FLT1: variants seen among roughly 807,000 people sequenced by gnomAD.
FLT1 encodes fms related receptor tyrosine kinase 1.
A neutral mutation model predicts 156.3 loss-of-function variants in FLT1; 49 were observed. That is an observed-to-expected ratio of 0.31 (90% CI 0.25 to 0.40). The LOEUF is 0.40. Among genes scored for constraint, FLT1 ranks in the 10% least tolerant of loss-of-function variants. The pLI is 1.00. For missense variants in FLT1, 1,322 were observed against 1,637.2 expected, an observed-to-expected ratio of 0.81 and a Z score of 3.32; for synonymous variants, 594 against 583.8, an observed-to-expected ratio of 1.02 and a Z score of -0.25.
chr13:28,410,007 G>C (rs1325665027), intron 10 of FLT1, among the ~76,000 whole-genome samples: 4 of 152,086 alleles, frequency 2.6e-5, no homozygotes, highest in Non-Finnish European at 4.4e-5. Context: ...GTTTCTATGA[G>C]AGCTCACTTT....
At chr13:28,480,479 G>T (rs1880772109) in intron 1 of FLT1, among the ~76,000 whole-genome samples, 1 of 152,166 alleles carries the variant, frequency 6.6e-6, no homozygotes. Context: ...GAAGTGCCAG[G>T]TGTGGAGGTA....
intron 14 of FLT1, among the ~76,000 whole-genome samples, chr13:28,365,369 T>C (rs183884831): frequency 5.5e-4 from 83 of 152,256 alleles, no homozygotes; most frequent in African/African-American, 1.9e-3. Flanking sequence ...CTTTTTTTTT[T>C]TGAGGCGGAG....
At chr13:28,435,827 G>A (rs1378591265) in intron 4 of FLT1, among the ~76,000 whole-genome samples, 1 of 152,166 alleles carries the variant, frequency 6.6e-6, no homozygotes, top group African/African-American at 2.4e-5. Flanking sequence ...TCGCTTTCAT[G>A]TTTCAGTAAA....
At chr13:28,350,804 C>T (rs1872715353) in intron 15 of FLT1, among the ~76,000 whole-genome samples, 1 of 152,092 alleles carries the variant, frequency 6.6e-6, no homozygotes, top group African/African-American at 2.4e-5. Context: ...GATAACAGCC[C>T]CTTCCTCACA....
chr13:28,313,790 T>C (rs1471364643), intron 25 of FLT1, among the ~76,000 whole-genome samples: 1 of 152,086 alleles, frequency 6.6e-6, no homozygotes, highest in East Asian at 1.9e-4. Flanking sequence ...GGTATGCCTT[T>C]AGGGGGCGCC....
At chr13:28,430,392 A>G (rs1292478676) in intron 7 of FLT1, among the ~76,000 whole-genome samples, 1 of 152,190 alleles carries the variant, frequency 6.6e-6, no homozygotes, top group Non-Finnish European at 1.5e-5. Flanking sequence ...AGCCACATAA[A>G]ACAGTGGCAG....
At chr13:28,337,496 G>A (rs879817877) in intron 17 of FLT1, among the ~76,000 whole-genome samples, 3 of 152,168 alleles carry the variant, frequency 2.0e-5, no homozygotes, top group Non-Finnish European at 4.4e-5. Context: ...TTGCTCCCAC[G>A]TTAATCAATC....
Position 28,439,241 on chromosome 13 carries a change from C to G in FLT1, c.389-896G>C, listed in dbSNP as rs112063040. On this transcript the variant is annotated intron_variant, in intron 3 of 29. Transcript: ENST00000282397. This position sits in a 1 kb window ranked among gnomAD's most constrained non-coding sequence, Gnocchi z 4.1. ...GGAATCTATTGACATCCTCAGGCAA[C>G]GATCTCTTCGGGAGTCATTGTGTTC... is the stretch of plus-strand genomic sequence containing the variant. 7.0e-3 allele frequency among the ~76,000 whole-genome samples: 1,063 copies of G among 152,280 alleles called. 15 individuals carry two copies. Among genetic ancestry groups the G allele is most frequent in the African/African-American group, 0.024 (988 of 41,550 alleles).
At chr13:28,361,227 CA>C (rs1873102387) in intron 14 of FLT1, among the ~76,000 whole-genome samples, 1 of 151,738 alleles carries the variant, frequency 6.6e-6, no homozygotes, top group African/African-American at 2.4e-5. Flanking sequence ...TGGAGTGAGC[CA>C]AGATGGTGCC....
At chr13:28,380,816 G>A (rs1483463791) in intron 14 of FLT1, among the ~76,000 whole-genome samples, 1 of 152,078 alleles carries the variant, frequency 6.6e-6, no homozygotes, top group Non-Finnish European at 1.5e-5. Context: ...AATGAGGTGG[G>A]TCAGAAGGCA....
intron 10 of FLT1, among the ~76,000 whole-genome samples, chr13:28,426,547 G>A (rs915653828): frequency 6.6e-6 from 1 of 152,176 alleles, no homozygotes; most frequent in Non-Finnish European, 1.5e-5. Context: ...TAACAAGGGC[G>A]TGAACAAAGT....
At chr13:28,383,219 A>T (rs1415061783) in intron 14 of FLT1, among the ~76,000 whole-genome samples, 1 of 152,198 alleles carries the variant, frequency 6.6e-6, no homozygotes, top group Non-Finnish European at 1.5e-5. Context: ...CTCAAAAAAA[A>T]AAAGTACAGT....
intron 18 of FLT1, among the ~76,000 whole-genome samples, chr13:28,331,646 G>A (rs1282662239): frequency 4.6e-5 from 7 of 152,136 alleles, no homozygotes; most frequent in African/African-American, 7.2e-5. Flanking sequence ...TGGCCAGGCC[G>A]GTCTCGAACG....
At chr13:28,494,703 C>T (rs578205386) in intron 1 of FLT1, 77 bp downstream of exon 1, 6 of 1,186,820 alleles carry the variant, frequency 5.1e-6, no homozygotes, top group Non-Finnish European at 7.2e-6. Flanking sequence ...GTGCACCCCG[C>T]CCTGGCCTCG....
At chr13:28,314,183 T>G (rs1365133310) in intron 25 of FLT1, among the ~76,000 whole-genome samples, 1 of 152,178 alleles carries the variant, frequency 6.6e-6, no homozygotes, top group African/African-American at 2.4e-5. Context: ...GCTCGTCTCC[T>G]CCTGCACCAT....
intron 4 of FLT1, among the ~76,000 whole-genome samples, chr13:28,437,385 G>A (rs1029843404): frequency 2.6e-5 from 4 of 152,152 alleles, no homozygotes; most frequent in African/African-American, 4.8e-5. Flanking sequence ...CAGCCTAACT[G>A]CCACAGCTAC....
rs756290512 is a variant in FLT1 at position 28,467,548 on chromosome 13, G to A, written c.134C>T (p.Ala45Val). 3 of 1,610,012 alleles carry A rather than the reference G, an allele frequency of 1.9e-6. No individual in the cohort carries two copies. Among genetic ancestry groups the A allele is most frequent in the East Asian group, 2.2e-5 (1 of 44,864 alleles). The change falls in exon 2 of 30, where the codon GCA (alanine) becomes GTA (valine). Residue 45 changes from alanine to valine, a missense_variant. This residue lies in a region of FLT1 where 991 missense variants were observed against 1,254.8 expected (regional missense o/e 0.79). Transcript: ENST00000282397. ...GCATTGGAGATGCAGTGTCTGGCCT[G>A]CTTGCATGATGTGCTGGGTGCCTTT... ...SLKGTQHIMQ[A>V]GQTLHLQCRG...
intron 6 of FLT1, among the ~76,000 whole-genome samples, chr13:28,432,756 T>C (rs1409025861): frequency 6.6e-6 from 1 of 152,208 alleles, no homozygotes; most frequent in Non-Finnish European, 1.5e-5. Context: ...ATAGATGTGT[T>C]GTAGATACTC....
At chr13:28,352,211 C>T (rs1472178629) in intron 15 of FLT1, among the ~76,000 whole-genome samples, 3 of 152,312 alleles carry the variant, frequency 2.0e-5, no homozygotes, top group South Asian at 4.1e-4. Flanking sequence ...AGCTGTGTAA[C>T]CCTGGACAAG....
Sources: allele counts gnomAD v4.1 joint callset (sites outside exome capture counted in the v4.1 genomes callset), GRCh38; gene constraint gnomAD v4.1.1; regional missense constraint gnomAD v4.1.1; non-coding constraint Gnocchi (gnomAD v3.1); transcripts MANE v1.5; gene names NCBI Gene and HGNC (gene_info 2026-07-23, HGNC 2026-07-21).